ZNF536: variants seen among roughly 807,000 people sequenced by gnomAD.
ZNF536 encodes zinc finger protein 536.
ZNF536 carries 13 observed loss-of-function variants against 84.5 expected under a neutral mutation model. That is an observed-to-expected ratio of 0.15 (90% CI 0.10 to 0.24). The LOEUF (loss-of-function observed/expected upper bound fraction) is 0.24. Ranked by LOEUF, ZNF536 falls within the 10% of genes least tolerant of loss-of-function variation. The pLI is 1.00. For synonymous variants in ZNF536, 811 were observed against 742.5 expected (o/e 1.09, Z -1.50); for missense variants, 1,536 against 1,747.5 (o/e 0.88, Z 2.16).
In ZNF536 at chr19:30,316,097, G is replaced by A. The variant is rs140132168; in HGVS notation, c.-120+31956G>A. Among the ~76,000 whole-genome samples the A allele has an allele frequency of 3.5e-3, 527 of 152,200 alleles. 6 individuals carry two copies. The highest frequency in any genetic ancestry group is 0.012 in the African/African-American group (500 of 41,514). On this transcript the variant is annotated intron_variant, in intron 2 of 5. Coordinates refer to the ZNF536 transcript ENST00000585628. ...AATGCTGCAGTAAACACTGTATCAC[G>A]GTAAACAAGTTTGGGTATTTCTGTA...
chr19:30,438,116 G>C (rs948083186), intron 1 of ZNF536, among the ~76,000 whole-genome samples: 2 of 152,022 alleles, frequency 1.3e-5, no homozygotes, highest in Admixed American at 6.6e-5. Flanking sequence ...TTAGACTCGG[G>C]GGTACATGTG....
In ZNF536 at chr19:30,563,504, G is replaced by C. The variant is rs888400712; in HGVS notation, c.169+13990G>C. On this transcript the variant is annotated intron_variant, in intron 1 of 1. Coordinates refer to the ZNF536 transcript ENST00000592773. The stretch of plus-strand genomic sequence containing the variant: ...GTTTTTGGGTTTCATTAAGACTTTG[G>C]GCTCTACAACTGTCCTTTCTAAATG... 3.9e-5 allele frequency among the ~76,000 whole-genome samples: 6 copies of C among 152,054 alleles called. No homozygotes were observed. In the East Asian group the frequency reaches 1.2e-3, roughly 29 times the overall value.
chr19:30,414,093 C>CAA (rs55650802), intron 1 of ZNF536, among the ~76,000 whole-genome samples: 40,599 of 82,930 alleles, frequency 0.49, 11,493 homozygotes, highest in Non-Finnish European at 0.56. Context: ...GACTCTGTCT[C>CAA]AAAAAAAAAA....
chr19:30,455,642 A>G (rs1264350205), intron 2 of ZNF536, among the ~76,000 whole-genome samples: 1 of 152,176 alleles, frequency 6.6e-6, no homozygotes, highest in African/African-American at 2.4e-5. Context: ...CAGAGGTTGC[A>G]GTGAGATGAG....
intron 1 of ZNF536, among the ~76,000 whole-genome samples, chr19:30,373,116 G>A (rs536488758): frequency 3.3e-5 from 5 of 152,328 alleles, no homozygotes; most frequent in South Asian, 4.1e-4. Flanking sequence ...AAATCAAATT[G>A]TCTGGCGATT....
chr19:30,655,006 G>A (rs1354287656), intron 1 of ZNF536, among the ~76,000 whole-genome samples: 2 of 152,224 alleles, frequency 1.3e-5, no homozygotes, highest in South Asian at 2.1e-4. Context: ...GTGAACAAGT[G>A]AGGAGTGGCC....
chr19:30,327,567 C>T (rs199697239), intron 2 of ZNF536, among the ~76,000 whole-genome samples: 5 of 152,338 alleles, frequency 3.3e-5, no homozygotes, highest in East Asian at 1.9e-4. Flanking sequence ...CATTTGCATG[C>T]CGTAATTGTT....
downstream of ZNF536, among the ~76,000 whole-genome samples, chr19:30,562,467 A>G (rs2046207301): frequency 6.6e-6 from 1 of 152,008 alleles, no homozygotes; most frequent in Admixed American, 6.6e-5. Flanking sequence ...TAGCAAAAGA[A>G]AAGAAAAGAA....
intron 2 of ZNF536, among the ~76,000 whole-genome samples, chr19:30,287,639 T>A: frequency 7.7e-6 from 1 of 130,704 alleles, no homozygotes; most frequent in Non-Finnish European, 1.6e-5. Flanking sequence ...GATGGGTGGG[T>A]GGATGGATGG....
At chr19:30,447,465 A>G (rs2052407174) in intron 2 of ZNF536, among the ~76,000 whole-genome samples, 1 of 152,188 alleles carries the variant, frequency 6.6e-6, no homozygotes, top group South Asian at 2.1e-4. Flanking sequence ...TTAAATACCC[A>G]TGAAACACAC....
intron 1 of ZNF536, among the ~76,000 whole-genome samples, chr19:30,599,977 G>A (rs1050399653): frequency 3.1e-5 from 4 of 128,520 alleles, no homozygotes; most frequent in Non-Finnish European, 5.5e-5. Context: ...CAATTTCCAC[G>A]GAGTGTCACT....
At chr19:30,465,494 G>A (rs111783061) in intron 2 of ZNF536, among the ~76,000 whole-genome samples, 81 of 152,288 alleles carry the variant, frequency 5.3e-4, no homozygotes, top group African/African-American at 1.8e-3. Flanking sequence ...TGGTGTGAGC[G>A]CCAGGAGAGC....
intron 2 of ZNF536, among the ~76,000 whole-genome samples, chr19:30,285,617 C>T (rs971854581): frequency 2.0e-5 from 3 of 152,150 alleles, no homozygotes; most frequent in East Asian, 1.9e-4. Flanking sequence ...GGCTTTAAAC[C>T]GCTTCCCCAG....
intron 3 of ZNF536, among the ~76,000 whole-genome samples, chr19:30,364,449 C>T (rs966134067): frequency 2.6e-5 from 4 of 152,154 alleles, no homozygotes; most frequent in Admixed American, 6.5e-5. Flanking sequence ...ATGGCTTGAG[C>T]CCAGGGGTCA....
intron 1 of ZNF536, among the ~76,000 whole-genome samples, chr19:30,393,336 G>T (rs2049678748): frequency 6.6e-6 from 1 of 152,154 alleles, no homozygotes; most frequent in South Asian, 2.1e-4. Context: ...TCCAAGAAGA[G>T]GGTCTGATTC....
chr19:30,288,242 T>C (rs1488722058), intron 2 of ZNF536, among the ~76,000 whole-genome samples: 1 of 152,194 alleles, frequency 6.6e-6, no homozygotes, highest in Non-Finnish European at 1.5e-5. Context: ...CCCACGTGAC[T>C]GGATGTCCGT....
intron 1 of ZNF536, among the ~76,000 whole-genome samples, chr19:30,242,413 A>G (rs2024002095): frequency 6.6e-6 from 1 of 152,122 alleles, no homozygotes; most frequent in African/African-American, 2.4e-5. Flanking sequence ...GTATGGCAGC[A>G]TTGGGTTAGA....
intron 2 of ZNF536, among the ~76,000 whole-genome samples, chr19:30,488,835 T>G (rs2054395758): frequency 1.3e-5 from 2 of 152,352 alleles, no homozygotes; most frequent in East Asian, 1.9e-4. Context: ...GCAAGATGTC[T>G]GCTTTTGGTT....
At chr19:30,437,439 G>A (rs2051801823) in intron 1 of ZNF536, among the ~76,000 whole-genome samples, 1 of 152,204 alleles carries the variant, frequency 6.6e-6, no homozygotes, top group Admixed American at 6.5e-5. Flanking sequence ...GAGACAGAAT[G>A]TATTTTGATA....
Sources: allele counts gnomAD v4.1 joint callset (sites outside exome capture counted in the v4.1 genomes callset), GRCh38; gene constraint gnomAD v4.1.1; transcripts MANE v1.5; gene names NCBI Gene and HGNC (gene_info 2026-07-23, HGNC 2026-07-21).